DCAF6: variants seen among roughly 807,000 people sequenced by gnomAD.
The protein encoded by DCAF6 is DDB1 and CUL4 associated factor 6.
Under a neutral mutation model 125.1 loss-of-function variants are expected in DCAF6, and 54 were observed. The ratio of observed to expected loss-of-function variants is 0.43; its 90% CI spans 0.35 to 0.54. The LOEUF (loss-of-function observed/expected upper bound fraction) is 0.54. Among genes scored for constraint, DCAF6 ranks in the 20% least tolerant of loss-of-function variants. The pLI, the probability that DCAF6 is intolerant of heterozygous loss-of-function variation, is 0.01. For missense variants in DCAF6, 934 were observed against 1,161.7 expected (o/e 0.80, Z 2.85); for synonymous variants, 371 against 390.4 (o/e 0.95, Z 0.58).
At chr1:167,918,378 GA>G in the DCAF6 span, 1 of 1,435,036 alleles carries the variant, frequency 7.0e-7, no homozygotes, top group Non-Finnish European at 9.7e-7. Context: ...AAAACAGAAA[GA>G]AAAATAATCA....
At chr1:167,926,180 G>A in the DCAF6 span, among the ~76,000 whole-genome samples, 2 of 152,110 alleles carry the variant, frequency 1.3e-5, no homozygotes, top group South Asian at 2.1e-4. Flanking sequence ...GTGTACGTTC[G>A]AATTTTCCGT....
chr1:167,867,232 A>G, the DCAF6 span, among the ~76,000 whole-genome samples: 2 of 152,214 alleles, frequency 1.3e-5, no homozygotes, highest in Admixed American at 1.3e-4. Flanking sequence ...TGGGAGCTGT[A>G]CGTGGATGGG....
chr1:168,055,641 C>T (rs1190663758), intron 17 of DCAF6, among the ~76,000 whole-genome samples: 3 of 98,558 alleles, frequency 3.0e-5, no homozygotes, highest in Admixed American at 1.2e-4. Context: ...TAGTTTTTAC[C>T]ATGGATAATT....
chr1:167,925,474 T>TATATATAC, the DCAF6 span, among the ~76,000 whole-genome samples: 22 of 96,816 alleles, frequency 2.3e-4, no homozygotes, highest in South Asian at 2.1e-3. Flanking sequence ...TATATATATA[T>TATATATAC]ACATATACAT....
chr1:167,880,360 G>A, the DCAF6 span: 1 of 957,370 alleles, frequency 1.0e-6, no homozygotes, highest in Non-Finnish European at 1.7e-6. Flanking sequence ...ATGCGAAGGA[G>A]GAACAACAGT....
At position 168,044,641 on chromosome 1, in the gene DCAF6, G is replaced by A; in HGVS notation, c.1900G>A (p.Glu634Lys). The change falls in exon 15 of 22, where the codon GAA becomes AAA. Residue 634 changes from glutamate (E) to lysine (K), a missense_variant. Coordinates refer to ENST00000367840, the MANE Select transcript of DCAF6 (RefSeq NM_001198956.2). ...AAAATATCAGGAAGGAGTATCTGCA[G>A]AAAACCCAGTTGAGAACCATATCAA... is the stretch of plus-strand genomic sequence containing the variant. ...VTKYQEGVSA[E>K]NPVENHINIT... 1.2e-6 allele frequency: 2 copies of A among 1,613,206 alleles called. No homozygotes were observed. Among genetic ancestry groups the A allele is most frequent in the Non-Finnish European group, 8.5e-7 (1 of 1,179,290 alleles).
At chr1:167,969,452 C>G (rs890862024) in intron 3 of DCAF6, among the ~76,000 whole-genome samples, 8 of 152,090 alleles carry the variant, frequency 5.3e-5, no homozygotes, top group Non-Finnish European at 1.0e-4. Context: ...TGGCTTTTAG[C>G]TTCTGAGTTC....
chr1:168,015,800 G>T lies in DCAF6; in HGVS notation c.1398G>T (p.Glu466Asp). Residue 466 changes from glutamate (E) to aspartate (D), a missense_variant, in exon 11 of 22, where the codon GAG becomes GAT. By Grantham distance (45) the Glu-to-Asp change is conservative (BLOSUM62 2). Around this residue, in one of 5 missense-constraint regions of DCAF6, gnomAD observed 559 missense variants for 635.5 expected, o/e 0.88. Coordinates refer to ENST00000367840, the MANE Select transcript of DCAF6 (RefSeq NM_001198956.2). ...TGTCAGAATTTTTAAGGGGCCCTGA[G>T]ATAGCTTTGCTTCGTAAGCGCCTGC... ...HHQSEFLRGP[E>D]IALLRKRLQQ... The T allele has an allele frequency of 6.6e-7, 1 of 1,516,202 alleles. No homozygotes were observed. Among genetic ancestry groups the T allele is most frequent in the Non-Finnish European group, 8.9e-7 (1 of 1,128,548 alleles). 93.9% of individuals were successfully genotyped at this position (1,516,202 alleles called of 1,614,324 possible). A position where few individuals can be genotyped will look rare whatever the true frequency, so the allele number is the denominator to read the frequency against.
At chr1:167,925,442 C>CACAT in the DCAF6 span, among the ~76,000 whole-genome samples, 125 of 82,474 alleles carry the variant, frequency 1.5e-3, 1 homozygote, top group East Asian at 9.7e-3. Flanking sequence ...TACATATACA[C>CACAT]ATATATATAT....
At chr1:168,010,474 G>C (rs1163822807) in intron 10 of DCAF6, among the ~76,000 whole-genome samples, 1 of 151,684 alleles carries the variant, frequency 6.6e-6, no homozygotes, top group African/African-American at 2.4e-5. Context: ...AAAATCAGTT[G>C]ATGGATTTTT....
At chr1:167,933,659 A>T (rs1256515424), upstream of DCAF6, among the ~76,000 whole-genome samples, 1 of 152,230 alleles carries the variant, frequency 6.6e-6, no homozygotes, top group East Asian at 1.9e-4. Context: ...GTTAGGCAAA[A>T]TAGTATGCAA....
chr1:167,947,515 T>C (rs1673256543), intron 1 of DCAF6, among the ~76,000 whole-genome samples: 1 of 152,194 alleles, frequency 6.6e-6, no homozygotes, highest in African/African-American at 2.4e-5. Context: ...TGCTGTGTTC[T>C]TCTTAGCACT....
intron 1 of DCAF6, among the ~76,000 whole-genome samples, chr1:167,950,153 C>T (rs924031635): frequency 1.4e-5 from 2 of 141,094 alleles, no homozygotes; most frequent in Non-Finnish European, 3.0e-5. Flanking sequence ...ATGTTTCAAA[C>T]GCAGGTTTTA....
intron 7 of DCAF6, 29 bp downstream of exon 7, chr1:167,993,469 G>A (rs1681161893): frequency 6.3e-7 from 1 of 1,596,260 alleles, no homozygotes; most frequent in African/African-American, 1.3e-5. Flanking sequence ...ATGTCCTTTG[G>A]CCGGGCGCGG....
the DCAF6 span, chr1:167,896,666 T>G: frequency 6.2e-7 from 1 of 1,613,072 alleles, no homozygotes; most frequent in Non-Finnish European, 8.5e-7. Flanking sequence ...AAAATTAAAA[T>G]TGGGGGGTGG....
chr1:167,902,073 A>T, the DCAF6 span: 1 of 1,582,400 alleles, frequency 6.3e-7, no homozygotes. Context: ...AAAAAAAAAA[A>T]TTAAATCAAA....
the DCAF6 span, chr1:167,893,864 T>C: frequency 1.9e-6 from 3 of 1,612,644 alleles, no homozygotes; most frequent in Non-Finnish European, 2.5e-6. Context: ...TGCTTCAAAA[T>C]GCTTTCCATC....
At chr1:167,989,830 C>A (rs1054062847) in intron 5 of DCAF6, among the ~76,000 whole-genome samples, 3 of 151,434 alleles carry the variant, frequency 2.0e-5, no homozygotes, top group Non-Finnish European at 4.4e-5. Context: ...GCACTGCACT[C>A]CAACCTGGCG....
At chr1:168,040,828 T>A (rs1220233435) in intron 13 of DCAF6, among the ~76,000 whole-genome samples, 1 of 150,926 alleles carries the variant, frequency 6.6e-6, no homozygotes, top group Non-Finnish European at 1.5e-5. Flanking sequence ...ATTTCTTATT[T>A]CTTTGTCAGA....
Sources: gnomAD v4.1 joint callset for allele counts (sites outside exome capture counted in the v4.1 genomes callset) on GRCh38, gnomAD v4.1.1 for gene constraint, gnomAD v4.1.1 regional missense constraint, MANE v1.5 for transcripts, NCBI Gene and HGNC (gene_info 2026-07-23, HGNC 2026-07-21) for gene names.